The following CACHD1 variants were observed in gnomAD, a reference collection of about 807,000 sequenced individuals.
CACHD1 encodes the protein cache domain containing 1.
Under a neutral mutation model 138.7 loss-of-function variants are expected in CACHD1, and 71 were observed. The ratio of observed to expected loss-of-function variants is 0.51; its 90% confidence interval spans 0.42 to 0.62. CACHD1 has a LOEUF of 0.62. CACHD1 is among the 20% of genes least tolerant of loss of function. The pLI is 0.00. For synonymous variants in CACHD1, 578 were observed against 591.5 expected, an observed-to-expected ratio of 0.98 and a Z score of 0.33; for missense variants, 1,389 against 1,625.3, an observed-to-expected ratio of 0.85 and a Z score of 2.50.
At chr1:64,625,882 A>T (rs1207400999) in intron 4 of CACHD1, among the ~76,000 whole-genome samples, 1 of 152,254 alleles carries the variant, frequency 6.6e-6, no homozygotes, top group African/African-American at 2.4e-5. Context: ...TGAGGTGAGA[A>T]TTAAATGCTA....
At chr1:64,573,649 A>G (rs1646943938) in intron 2 of CACHD1, among the ~76,000 whole-genome samples, 1 of 152,206 alleles carries the variant, frequency 6.6e-6, no homozygotes, top group South Asian at 2.1e-4. Context: ...ATAATGGTAT[A>G]TTGTGTGGGG....
intron 1 of CACHD1, among the ~76,000 whole-genome samples, chr1:64,541,148 G>C (rs1404779918): frequency 6.6e-6 from 1 of 152,212 alleles, no homozygotes; most frequent in African/African-American, 2.4e-5. Context: ...TTTGCTAGCT[G>C]GTTGAGTACC....
chr1:64,606,449 AAGAGCTGGGAGTAGATT>A (rs1161812133), intron 4 of CACHD1, among the ~76,000 whole-genome samples: 4 of 152,098 alleles, frequency 2.6e-5, no homozygotes, highest in Admixed American at 2.6e-4. Context: ...GGTGGTGTGA[AAGAGCTGGGAGTAGATT>A]AGGCCAGAGA....
intron 1 of CACHD1, among the ~76,000 whole-genome samples, chr1:64,537,402 A>G (rs1646641709): frequency 6.6e-6 from 1 of 152,026 alleles, no homozygotes. Flanking sequence ...TAAACTGGAG[A>G]TTTGGCTTGT....
intron 26 of CACHD1, among the ~76,000 whole-genome samples, chr1:64,682,829 T>G (rs1650237013): frequency 6.6e-6 from 1 of 152,066 alleles, no homozygotes; most frequent in Non-Finnish European, 1.5e-5. Context: ...TCCCAGTCTA[T>G]AAGCATCACT....
chr1:64,690,166 A>G (rs1481094240), intron 26 of CACHD1, among the ~76,000 whole-genome samples: 1 of 152,210 alleles, frequency 6.6e-6, no homozygotes, highest in Non-Finnish European at 1.5e-5. Context: ...TGCCCAACAC[A>G]GTGACTTGTA....
At chr1:64,688,194 A>C (rs1490195016) in intron 26 of CACHD1, among the ~76,000 whole-genome samples, 1 of 152,128 alleles carries the variant, frequency 6.6e-6, no homozygotes. Context: ...CTTGTAAATG[A>C]GCAGAGACGG....
Position 64,671,614 on chromosome 1 carries a change from C to T in CACHD1, c.2438C>T (p.Thr813Ile), listed in dbSNP as rs1557549984. 1 of 1,613,994 alleles carries T rather than the reference C, an allele frequency of 6.2e-7. No homozygotes were observed. The highest frequency in any genetic ancestry group is 8.5e-7 in the Non-Finnish European group (1 of 1,179,894). ...HTVAVMGIDF[T>I]LRYFYKVLMD... ...GTGGCTGTGATGGGCATTGACTTCA[C>T]ACTCAGATACTTCTACAAAGTTCTG... Residue 813 changes from threonine (T) to isoleucine (I), a missense_variant, in exon 17 of 27, where the codon ACA becomes ATA. Around this residue, in one of 5 missense-constraint regions of CACHD1, gnomAD observed 1,000 missense variants for 1,114.7 expected, o/e 0.90. Coordinates refer to ENST00000651257, the MANE Select transcript of CACHD1 (RefSeq NM_020925.4).
chr1:64,576,443 G>C (rs987234623), intron 2 of CACHD1, among the ~76,000 whole-genome samples: 1 of 151,866 alleles, frequency 6.6e-6, no homozygotes, highest in Admixed American at 6.6e-5. Flanking sequence ...TATGCTTGCT[G>C]AGCAGCCTGG....
intron 1 of CACHD1, among the ~76,000 whole-genome samples, chr1:64,492,573 G>T (rs1253575154): frequency 6.6e-6 from 1 of 151,310 alleles, no homozygotes; most frequent in Non-Finnish European, 1.5e-5. Context: ...ACTCCTCCCC[G>T]TTCTGATACT....
intron 2 of CACHD1, among the ~76,000 whole-genome samples, chr1:64,567,725 C>T (rs1007465030): frequency 6.6e-6 from 1 of 152,160 alleles, no homozygotes; most frequent in Non-Finnish European, 1.5e-5. Flanking sequence ...GCTGCAAATT[C>T]ATCTGTACGT....
At chr1:64,594,090 C>CA (rs1033862243) in intron 3 of CACHD1, among the ~76,000 whole-genome samples, 49 of 151,982 alleles carry the variant, frequency 3.2e-4, no homozygotes, top group Admixed American at 3.9e-4. Context: ...CCCATCTCTA[C>CA]AAAAAATACA....
intron 2 of CACHD1, among the ~76,000 whole-genome samples, chr1:64,555,493 C>T (rs1345999781): frequency 2.6e-5 from 4 of 152,166 alleles, no homozygotes; most frequent in Non-Finnish European, 5.9e-5. Context: ...GATCTCAGCT[C>T]ACTGCAACCT....
At chr1:64,561,726 C>T (rs1184658798) in intron 2 of CACHD1, among the ~76,000 whole-genome samples, 5 of 151,174 alleles carry the variant, frequency 3.3e-5, no homozygotes, top group Non-Finnish European at 7.4e-5. Flanking sequence ...GGAGTGGTGG[C>T]ACATGCCTGT....
chr1:64,489,017 G>T (rs1225147108), intron 1 of CACHD1, among the ~76,000 whole-genome samples: 1 of 152,110 alleles, frequency 6.6e-6, no homozygotes, highest in Non-Finnish European at 1.5e-5. Context: ...ATGGGAGATT[G>T]TTCATAAGCA....
intron 3 of CACHD1, among the ~76,000 whole-genome samples, chr1:64,593,161 G>A (rs1306143568): frequency 6.6e-6 from 1 of 152,144 alleles, no homozygotes; most frequent in African/African-American, 2.4e-5. Flanking sequence ...AGATTAACCT[G>A]CAGCACCATT....
chr1:64,666,872 A>AGAG (rs146557306), intron 16 of CACHD1, among the ~76,000 whole-genome samples: 15,299 of 136,664 alleles, frequency 0.11, 2,127 homozygotes, highest in East Asian at 0.43. Context: ...AAAAAAAAAA[A>AGAG]CGAGAAAGAA....
At chr1:64,574,912 C>T (rs1646955120) in intron 2 of CACHD1, among the ~76,000 whole-genome samples, 1 of 152,180 alleles carries the variant, frequency 6.6e-6, no homozygotes, top group Admixed American at 6.5e-5. Context: ...TGCTTTCCCC[C>T]ACAAGACCTT....
At chr1:64,679,895 C>T (rs1570478250) in intron 24 of CACHD1, 139 bp downstream of exon 24, 4 of 962,632 alleles carry the variant, frequency 4.2e-6, no homozygotes, top group East Asian at 2.7e-5. Flanking sequence ...GTTCCCAAAG[C>T]CTGCTTTCTT....
Sources: gnomAD v4.1 joint callset for allele counts (sites outside exome capture counted in the v4.1 genomes callset) on GRCh38, gnomAD v4.1.1 for gene constraint, gnomAD v4.1.1 regional missense constraint, MANE v1.5 for transcripts, NCBI Gene and HGNC (gene_info 2026-07-23, HGNC 2026-07-21) for gene names.